SPTBN2: variants seen among roughly 807,000 people sequenced by gnomAD.
The protein encoded by SPTBN2 is spectrin beta chain, non-erythrocytic 2.
A neutral mutation model predicts 284.2 loss-of-function variants in SPTBN2; 107 were observed. That is an observed-to-expected ratio of 0.38 (90% CI 0.32 to 0.44). SPTBN2 has a LOEUF of 0.44. Ranked by LOEUF, SPTBN2 falls within the 20% of genes least tolerant of loss-of-function variation. The pLI, the probability that SPTBN2 is intolerant of heterozygous loss-of-function variation, is 1.00. For synonymous variants in SPTBN2, 1,289 were observed against 1,354.8 expected (o/e 0.95, Z 1.07); for missense variants, 2,569 against 3,287.1 (o/e 0.78, Z 5.34).
rs190423865 is a variant in SPTBN2, at chr11:66,699,107, C to T, written c.3777-25G>A. 5.0e-5 allele frequency: 80 copies of T among 1,614,050 alleles called. No individual in the cohort carries two copies. The African/African-American group carries it at 9.9e-4, about 20-fold the overall frequency. ...CCTGGAACGACACCCTCTTGTGAAA[C>T]TCTGGAATTTGCTGTGAAAGGATTG... On this transcript the variant is annotated intron_variant, in intron 18 of 37. Transcript: ENST00000533211.
chr11:66,723,628 T>A (rs1365325903), intron 1 of SPTBN2, among the ~76,000 whole-genome samples: 1 of 152,230 alleles, frequency 6.6e-6, no homozygotes, highest in East Asian at 1.9e-4. Flanking sequence ...CTTGTAGATT[T>A]GGGCTTTAAT....
intron 15 of SPTBN2, 91 bp downstream of exon 15, chr11:66,704,507 A>T: frequency 2.1e-6 from 3 of 1,432,094 alleles, no homozygotes; most frequent in Non-Finnish European, 2.8e-6. Context: ...GGGGTGAGGC[A>T]GGAAGTTTAT....
rs1363596544 is a variant in SPTBN2, at chr11:66,707,464, GC to G, written c.1653+51del. The G allele has an allele frequency of 1.3e-6, 2 of 1,547,662 alleles. No homozygotes were observed. The highest frequency in any genetic ancestry group is 1.7e-6 in the Non-Finnish European group (2 of 1,146,356). On this transcript the variant is annotated intron_variant, in intron 13 of 37. Coordinates refer to ENST00000533211, the MANE Select transcript of SPTBN2 (RefSeq NM_006946.4). This position sits in a 1 kb window ranked among gnomAD's most constrained non-coding sequence, Gnocchi z 4.9. ...GACGGGCGGACGCACCCACTGTGGG[GC>G]CCCCTCGACTCTTGATCACTCTTAC...
rs1210330344 is a variant in SPTBN2, at chr11:66,692,727, T to C, written c.4999A>G (p.Ile1667Val). ...AGCTTGTCCACCTGGGCTTGGCGGA[T>C]GGATATCCGAGTGCTGCAAGAAGAG... ...HEHPESTRIS[I>V]RQAQVDKLYA... Residue 1667 changes from isoleucine to valine, a missense_variant, in exon 26 of 38, where the codon ATC becomes GTC. Ile to Val is a conservative substitution (Grantham distance 29, BLOSUM62 3). Transcript: ENST00000533211. The C allele has an allele frequency of 1.2e-6, 2 of 1,602,128 alleles. No individual in the cohort carries two copies. Among genetic ancestry groups the C allele is most frequent in the Non-Finnish European group, 8.5e-7 (1 of 1,179,942 alleles).
chr11:66,734,816 T>A (rs987386352), intron 1 of SPTBN2, among the ~76,000 whole-genome samples: 2 of 151,776 alleles, frequency 1.3e-5, no homozygotes, highest in Non-Finnish European at 2.9e-5. Flanking sequence ...AGAAGAGGAG[T>A]CCTTATTGTC....
At position 66,704,863 on chromosome 11, in the gene SPTBN2, C is replaced by T. The variant is rs777593608; in HGVS notation, c.2413G>A (p.Ala805Thr). ...AGGGCTGCTGCCTGTTCCCTCAAGGCGTCCAGGGTTGGCCGGTGGCTTCGA... is the reference window on the plus strand; with the variant it reads ...AGGGCTGCTGCCTGTTCCCTCAAGGTGTCCAGGGTTGGCCGGTGGCTTCGA... ...EIRSHRPTLD[A>T]LREQAAALPP... The change falls in exon 15 of 38, where the codon GCC becomes ACC. Residue 805 changes from alanine to threonine, a missense_variant. Physicochemically the swap from Ala to Thr is moderately conservative, Grantham distance 58. This residue lies in a region of SPTBN2 where 1,012 missense variants were observed against 1,248.9 expected (regional missense o/e 0.81). Transcript: ENST00000533211. 1.3e-5 allele frequency: 21 copies of T among 1,610,096 alleles called. No individual in the cohort carries two copies. Among genetic ancestry groups the T allele is most frequent in the African/African-American group, 4.0e-5 (3 of 74,924 alleles).
At chr11:66,694,015 G>A in intron 22 of SPTBN2, 124 bp downstream of exon 22, 1 of 1,360,294 alleles carries the variant, frequency 7.4e-7, no homozygotes, top group Non-Finnish European at 1.0e-6. Flanking sequence ...CCCTATAGGG[G>A]AGATGGTCAA....
At position 66,691,375 on chromosome 11, in the gene SPTBN2, G is replaced by A. The variant is rs140642213; in HGVS notation, c.5474C>T (p.Pro1825Leu). ...GTTGAGGTCGCGGCCAGTCCCGTCC[G>A]GAAGCTGCTGCTGCTTGTGCTGCAC... is the stretch of plus-strand genomic sequence containing the variant. ...ARVQHKQQQL[P>L]DGTGRDLNAA... Residue 1825 changes from proline (P) to leucine (L), a missense_variant, in exon 27 of 38, where the codon CCG becomes CTG. Transcript: ENST00000533211. The surrounding 1 kb of genome is among the most constrained non-coding windows in gnomAD (Gnocchi z 8.0). 8.4e-5 allele frequency: 134 copies of A among 1,595,124 alleles called. No homozygotes were observed. The highest frequency in any genetic ancestry group is 1.3e-4 in the Admixed American group (8 of 59,318).
rs1939952965 is a variant in SPTBN2, at chr11:66,684,071, G to C, written c.*1800C>G. Reference sequence around the variant, plus strand: ...CCCACTCTGGGGCTGTGATGTGCTAGTTCTGGGCCTGCACACACCTAACTC... The same window carrying C: ...CCCACTCTGGGGCTGTGATGTGCTACTTCTGGGCCTGCACACACCTAACTC... On this transcript the variant is annotated 3_prime_UTR_variant, in exon 38 of 38. Coordinates refer to ENST00000533211, the MANE Select transcript of SPTBN2 (RefSeq NM_006946.4). 6.6e-6 allele frequency among the ~76,000 whole-genome samples: 1 copy of C among 152,226 alleles called. No individual in the cohort carries two copies. The highest frequency in any genetic ancestry group is 6.5e-5 in the Admixed American group (1 of 15,292).
rs1941101242 is a variant in SPTBN2 at position 66,699,098 on chromosome 11, C to T, written c.3777-16G>A. 1.2e-6 allele frequency: 2 copies of T among 1,614,050 alleles called. No individual in the cohort carries two copies. Among genetic ancestry groups the T allele is most frequent in the African/African-American group, 2.7e-5 (2 of 74,934 alleles). ...CTTCTTGTGCCTGGAACGACACCCT[C>T]TTGTGAAACTCTGGAATTTGCTGTG... On this transcript the variant is annotated splice_polypyrimidine_tract_variant and intron_variant, in intron 18 of 37. Transcript: ENST00000533211.
In SPTBN2 at chr11:66,691,986, G is replaced by A. The variant is rs183827458; in HGVS notation, c.5191-328C>T. On this transcript the variant is annotated intron_variant, in intron 26 of 37. Transcript: ENST00000533211. The surrounding 1 kb of genome is among the most constrained non-coding windows in gnomAD (Gnocchi z 8.0). ...CTGTCGGGGGGGTGGATCATACTCCGTTTTGTTGAATTCTGTTGAAAAGTG... is the reference window on the plus strand; with the variant it reads ...CTGTCGGGGGGGTGGATCATACTCCATTTTGTTGAATTCTGTTGAAAAGTG... 4.8e-3 allele frequency among the ~76,000 whole-genome samples: 738 copies of A among 152,244 alleles called. 6 individuals carry two copies. The highest frequency in any genetic ancestry group is 0.017 in the African/African-American group (691 of 41,542).
At chr11:66,706,632 CTTTT>C (rs1261017116) in intron 13 of SPTBN2, among the ~76,000 whole-genome samples, 4 of 133,388 alleles carry the variant, frequency 3.0e-5, no homozygotes, top group African/African-American at 5.5e-5. Flanking sequence ...TGCCTAGCTG[CTTTT>C]TTTTTTTTTT....
rs759565247 is a variant in SPTBN2, at chr11:66,704,608, C to T, written c.2668G>A (p.Val890Met). 22 of 1,611,646 alleles carry T rather than the reference C, an allele frequency of 1.4e-5. No individual in the cohort carries two copies. The highest frequency in any genetic ancestry group is 2.2e-5 in the East Asian group (1 of 44,856). ...LPERLEDLEV[V>M]QQRFETLEPE... is the part of the protein sequence containing the mutation. ...GCCTGAGGGGCCTACCTCTGCTGCA[C>T]GACCTCCAGGTCCTCCAGGCGTTCA... The change falls in exon 15 of 38, where the codon GTG becomes ATG. Residue 890 changes from valine to methionine, a missense_variant. By Grantham distance (21) the Val-to-Met change is conservative. Transcript: ENST00000533211.
At chr11:66,739,894 C>T (rs1226636759) in intron 1 of SPTBN2, among the ~76,000 whole-genome samples, 2 of 152,016 alleles carry the variant, frequency 1.3e-5, no homozygotes, top group African/African-American at 2.4e-5. Flanking sequence ...TAGCCAGGTA[C>T]GGTGATGCAT....
rs1489649109 is a variant in SPTBN2, at chr11:66,718,270, AT to A, written c.158-2290del. Among the ~76,000 whole-genome samples the A allele has an allele frequency of 1.3e-5, 2 of 152,070 alleles. No individual in the cohort carries two copies. The highest frequency in any genetic ancestry group is 4.8e-5 in the African/African-American group (2 of 41,378). On this transcript the variant is annotated intron_variant, in intron 3 of 37. Transcript: ENST00000533211. This position sits in a 1 kb window ranked among gnomAD's most constrained non-coding sequence, Gnocchi z 4.8. ...TTCCCCATTCCGTTGACATCTGTGT[AT>A]TTTCCGGCCTCTTGTAATTATCCCC...
In SPTBN2 at chr11:66,689,022, A is replaced by C. The variant is rs372434013; in HGVS notation, c.6034+74T>G. On this transcript the variant is annotated intron_variant, in intron 30 of 37. Coordinates refer to ENST00000533211, the MANE Select transcript of SPTBN2 (RefSeq NM_006946.4). ...TTTCACACCCAGGGTTCCTAGTCTC[A>C]CCTACTCTGGAACCCACAGGGTGCA... 12,368 of 1,516,468 alleles carry C rather than the reference A, an allele frequency of 8.2e-3. 62 individuals are homozygous for C. Among genetic ancestry groups the C allele is most frequent in the Non-Finnish European group, 0.01 (11,286 of 1,109,660 alleles). 93.9% of individuals were successfully genotyped at this position (1,516,468 alleles called of 1,614,324 possible). A position where few individuals can be genotyped will look rare whatever the true frequency, so the allele number is the denominator to read the frequency against.
chr11:66,686,336 GA>G, intron 37 of SPTBN2, 61 bp downstream of exon 37: 1 of 1,595,012 alleles, frequency 6.3e-7, no homozygotes, highest in Non-Finnish European at 8.6e-7. Flanking sequence ...GAAAGAAGGG[GA>G]GTCTGCAGCT....
chr11:66,725,542 C>T (rs1241060044), intron 1 of SPTBN2, among the ~76,000 whole-genome samples: 3 of 152,082 alleles, frequency 2.0e-5, no homozygotes, highest in Non-Finnish European at 4.4e-5. Context: ...GCTTCATGAC[C>T]CCCTGTCATG....
intron 18 of SPTBN2, 126 bp from the exon 19 acceptor site, chr11:66,699,208 C>G (rs1194426855): frequency 1.4e-5 from 19 of 1,350,758 alleles, no homozygotes; most frequent in Non-Finnish European, 1.8e-5. Context: ...TGAGGCTACC[C>G]AGGAATCCTG....
Sources: allele counts gnomAD v4.1 joint callset (sites outside exome capture counted in the v4.1 genomes callset), GRCh38; gene constraint gnomAD v4.1.1; regional missense constraint gnomAD v4.1.1; non-coding constraint Gnocchi (gnomAD v3.1); transcripts MANE v1.5; gene names NCBI Gene and HGNC (gene_info 2026-07-23, HGNC 2026-07-21).